Variants in PEX39 observed in about 807,000 individuals in gnomAD.
PEX39 encodes the protein peroxin-39.
chr6:42,890,585 C>G, the PEX39 span: 1 of 1,611,386 alleles, frequency 6.2e-7, no homozygotes, highest in Non-Finnish European at 8.5e-7. Context: ...GGGGAAGGGA[C>G]TCAGCCAAAG....
the PEX39 span, chr6:42,890,759 C>G: frequency 1.2e-6 from 2 of 1,602,970 alleles, no homozygotes; most frequent in Non-Finnish European, 1.7e-6. Flanking sequence ...AGGCCGGGGC[C>G]GAGCATTGGG....
chr6:42,890,683 C>T, the PEX39 span: 5 of 1,612,696 alleles, frequency 3.1e-6, no homozygotes, highest in Non-Finnish European at 8.5e-7. Context: ...TTCTCCAGGC[C>T]CGGGAGTTCC....
chr6:42,890,433 G>A, the PEX39 span: 3 of 1,475,756 alleles, frequency 2.0e-6, no homozygotes, highest in African/African-American at 4.3e-5. Flanking sequence ...ATGGCATCCC[G>A]GGTCCTGTAG....
the PEX39 span, chr6:42,890,504 TGAA>T: frequency 1.3e-6 from 2 of 1,547,312 alleles, no homozygotes; most frequent in African/African-American, 2.7e-5. Flanking sequence ...CTGTATGCCA[TGAA>T]GAAGGCGCAG....
the PEX39 span, chr6:42,890,419 CTGAA>C: frequency 1.5e-4 from 220 of 1,445,492 alleles, no homozygotes; most frequent in African/African-American, 2.9e-3. Flanking sequence ...AGATGAGTAA[CTGAA>C]TGGCATCCCG....
At chr6:42,890,660 C>A in the PEX39 span, 2 of 1,612,836 alleles carry the variant, frequency 1.2e-6, no homozygotes, top group Middle Eastern at 3.3e-4. Flanking sequence ...CGTGGATCGC[C>A]GCGATGTGGC....
chr6:42,890,723 C>T, the PEX39 span: 6 of 1,610,298 alleles, frequency 3.7e-6, no homozygotes, highest in Non-Finnish European at 5.1e-6. Flanking sequence ...GCAGGAGCTG[C>T]GCCAGGGTAA....
At chr6:42,890,803 C>G in the PEX39 span, 1 of 1,557,258 alleles carries the variant, frequency 6.4e-7, no homozygotes, top group African/African-American at 1.4e-5. Flanking sequence ...GGTCGCGAAT[C>G]CTGACCGGCG....
chr6:42,890,661 G>A, the PEX39 span: 2 of 1,612,830 alleles, frequency 1.2e-6, no homozygotes, highest in Non-Finnish European at 1.7e-6. Flanking sequence ...GTGGATCGCC[G>A]CGATGTGGCG....
the PEX39 span, chr6:42,890,707 C>T: frequency 2.9e-5 from 46 of 1,611,870 alleles, no homozygotes; most frequent in Non-Finnish European, 3.9e-5. Flanking sequence ...CCCTGCTGGA[C>T]CAGCTGCAGG....
At chr6:42,890,414 A>G in the PEX39 span, 1 of 1,418,770 alleles carries the variant, frequency 7.0e-7, no homozygotes, top group Non-Finnish European at 9.4e-7. Flanking sequence ...ATAAAAGATG[A>G]GTAACTGAAT....
the PEX39 span, chr6:42,890,661 G>C: frequency 1.2e-6 from 2 of 1,612,712 alleles, no homozygotes; most frequent in Non-Finnish European, 8.5e-7. Context: ...GTGGATCGCC[G>C]CGATGTGGCG....
chr6:42,890,728 G>C, the PEX39 span: 1 of 1,610,046 alleles, frequency 6.2e-7, no homozygotes, highest in South Asian at 1.1e-5. Flanking sequence ...AGCTGCGCCA[G>C]GGTAACCGAA....
chr6:42,890,327 T>C, the PEX39 span: 1 of 576,290 alleles, frequency 1.7e-6, no homozygotes, highest in African/African-American at 1.9e-5. Flanking sequence ...AACTGTAACA[T>C]GGTCCACAAA....
At chr6:42,890,655 A>G in the PEX39 span, 4 of 1,612,770 alleles carry the variant, frequency 2.5e-6, no homozygotes, top group Non-Finnish European at 1.7e-6. Context: ...TTCGCCGTGG[A>G]TCGCCGCGAT....
chr6:42,890,600 G>A, the PEX39 span: 1 of 1,611,752 alleles, frequency 6.2e-7, no homozygotes, highest in Non-Finnish European at 8.5e-7. Flanking sequence ...CCAAAGCCGC[G>A]GCCTCCCAGG....
At chr6:42,890,432 C>T in the PEX39 span, 4 of 1,476,240 alleles carry the variant, frequency 2.7e-6, no homozygotes, top group Admixed American at 2.4e-5. Flanking sequence ...AATGGCATCC[C>T]GGGTCCTGTA....
At chr6:42,890,362 G>T in the PEX39 span, 1 of 923,334 alleles carries the variant, frequency 1.1e-6, no homozygotes, top group Non-Finnish European at 1.5e-6. Flanking sequence ...CCCCATGGTG[G>T]TTGCAGGAGC....
chr6:42,890,764 A>G, the PEX39 span: 1 of 1,599,740 alleles, frequency 6.3e-7, no homozygotes, highest in Non-Finnish European at 8.5e-7. Flanking sequence ...GGGGCCGAGC[A>G]TTGGGGACTG....
Sources: allele counts gnomAD v4.1 joint callset, GRCh38; gene constraint gnomAD v4.1.1; transcripts MANE v1.5; gene names NCBI Gene and HGNC (gene_info 2026-07-23, HGNC 2026-07-21).